CHRM3: variants seen among roughly 807,000 people sequenced by gnomAD.
The protein encoded by CHRM3 is cholinergic receptor muscarinic 3.
A neutral mutation model predicts 41.8 loss-of-function variants in CHRM3; 11 were observed. The observed-to-expected ratio is 0.26, with a 90% CI of 0.17 to 0.44. The LOEUF (loss-of-function observed/expected upper bound fraction) is 0.44, where lower values mean the gene tolerates loss of function less well. Ranked by LOEUF, CHRM3 falls within the 20% of genes least tolerant of loss-of-function variation. The pLI is 1.00. For synonymous variants in CHRM3, 297 were observed against 301.4 expected (o/e 0.99, Z 0.15); for missense variants, 571 against 745.4 (o/e 0.77, Z 2.72).
rs1234021548 is a variant in CHRM3 at position 239,439,787 on chromosome 1, G to C, written c.-521+52560G>C. On this transcript the variant is annotated intron_variant, in intron 1 of 6. Coordinates refer to ENST00000676153, the MANE Select transcript of CHRM3 (RefSeq NM_001375978.1). ...CTGGCCATGTCTGGAACACAGAGAG[G>C]GTAAGGTGGGGAGCAATAGGTTATC... Among the ~76,000 whole-genome samples the C allele has an allele frequency of 2.0e-5, 3 of 152,246 alleles. No homozygotes were observed. The East Asian group carries it at 5.8e-4, about 29-fold the overall frequency.
At chr1:239,685,302 T>C (rs1338570877) in intron 5 of CHRM3, among the ~76,000 whole-genome samples, 1 of 152,032 alleles carries the variant, frequency 6.6e-6, no homozygotes, top group East Asian at 1.9e-4. Flanking sequence ...TCCCGGGAGT[T>C]TTGTGAGGAA....
intron 3 of CHRM3, among the ~76,000 whole-genome samples, chr1:239,622,358 C>G (rs6692140): frequency 0.023 from 3,461 of 152,188 alleles, 140 homozygotes; most frequent in African/African-American, 0.079. Context: ...TTTCATAAAG[C>G]TATAGCTGCC....
chr1:239,470,514 G>T (rs2147936966), intron 1 of CHRM3, among the ~76,000 whole-genome samples: 2 of 152,268 alleles, frequency 1.3e-5, no homozygotes, highest in East Asian at 1.9e-4. Flanking sequence ...CCATCAAAGG[G>T]CCCAGGGAAG....
At chr1:239,702,360 T>A (rs1660762946) in intron 5 of CHRM3, among the ~76,000 whole-genome samples, 1 of 152,190 alleles carries the variant, frequency 6.6e-6, no homozygotes, top group Non-Finnish European at 1.5e-5. Context: ...GGGAGGATGC[T>A]GCTGTAAGTT....
At chr1:239,836,233 A>T (rs1673303823) in intron 6 of CHRM3, among the ~76,000 whole-genome samples, 1 of 152,346 alleles carries the variant, frequency 6.6e-6, no homozygotes, top group Admixed American at 6.5e-5. Context: ...CCTGTCTCCC[A>T]CAGCTACTTC....
chr1:239,481,362 AT>A (rs1202699325), intron 1 of CHRM3, among the ~76,000 whole-genome samples: 2 of 151,852 alleles, frequency 1.3e-5, no homozygotes, highest in South Asian at 2.1e-4. Flanking sequence ...CACTTTATTT[AT>A]TTTTTTTACT....
intron 6 of CHRM3, among the ~76,000 whole-genome samples, 195 bp downstream of exon 6, chr1:239,827,573 T>C (rs1672555089): frequency 6.6e-6 from 1 of 152,210 alleles, no homozygotes; most frequent in Non-Finnish European, 1.5e-5. Context: ...CACAGGCTTC[T>C]TGAAGATTAA....
chr1:239,420,267 A>T (rs997824924), intron 1 of CHRM3, among the ~76,000 whole-genome samples: 1 of 152,174 alleles, frequency 6.6e-6, no homozygotes, highest in Non-Finnish European at 1.5e-5. Context: ...CTTATTTACA[A>T]GGATTTCATG....
chr1:239,581,929 TATC>T (rs1662939480), intron 3 of CHRM3, among the ~76,000 whole-genome samples: 1 of 152,182 alleles, frequency 6.6e-6, no homozygotes, highest in Non-Finnish European at 1.5e-5. Context: ...TTATTTATGG[TATC>T]ATTATTTGTA....
At chr1:239,814,860 G>A (rs1267175523) in intron 5 of CHRM3, among the ~76,000 whole-genome samples, 6 of 152,146 alleles carry the variant, frequency 3.9e-5, no homozygotes, top group African/African-American at 1.4e-4. Flanking sequence ...TCGGCTCACG[G>A]CAACCTCTTG....
rs1392183271 is a variant in CHRM3, at chr1:239,748,731, C to T, written c.-147+70443C>T. Among the ~76,000 whole-genome samples the T allele has an allele frequency of 6.6e-6, 1 of 152,174 alleles. No individual in the cohort carries two copies. The highest frequency in any genetic ancestry group is 1.5e-5 in the Non-Finnish European group (1 of 68,038). ...ATTCACTTGATAAACATAGTTAACC[C>T]TTAAATACCAACTTCATTTAACAAG... On this transcript the variant is annotated intron_variant, in intron 5 of 6. Transcript: ENST00000676153. This position sits in a 1 kb window ranked among gnomAD's most constrained non-coding sequence, Gnocchi z 4.3.
intron 6 of CHRM3, among the ~76,000 whole-genome samples, chr1:239,873,070 T>C (rs1676728223): frequency 6.6e-6 from 1 of 152,162 alleles, no homozygotes; most frequent in Non-Finnish European, 1.5e-5. Context: ...CCCAAGTCAT[T>C]TTGCAAATCA....
At chr1:239,426,064 G>A (rs1022649252) in intron 1 of CHRM3, among the ~76,000 whole-genome samples, 1 of 148,490 alleles carries the variant, frequency 6.7e-6, no homozygotes, top group African/African-American at 2.5e-5. Context: ...ATGTATACAC[G>A]TGCCATGTTG....
At chr1:239,497,050 T>A (rs1001968017) in intron 2 of CHRM3, among the ~76,000 whole-genome samples, 16 of 152,132 alleles carry the variant, frequency 1.1e-4, no homozygotes. Flanking sequence ...CAGAACTATG[T>A]TTCTGGAAAG....
At chr1:239,811,566 T>G (rs890028784) in intron 5 of CHRM3, among the ~76,000 whole-genome samples, 8 of 152,208 alleles carry the variant, frequency 5.3e-5, no homozygotes, top group Admixed American at 6.5e-5. Flanking sequence ...CTTTTGATAC[T>G]TTGCTTTTCC....
intron 6 of CHRM3, among the ~76,000 whole-genome samples, chr1:239,841,900 T>C (rs753738178): frequency 6.6e-6 from 1 of 152,344 alleles, no homozygotes; most frequent in East Asian, 1.9e-4. Flanking sequence ...AATTAAATTA[T>C]ATAATACAAC....
chr1:239,907,498 T>C lies in CHRM3; in HGVS notation c.47T>C (p.Ile16Thr). 5 of 1,614,154 alleles carry C rather than the reference T, an allele frequency of 3.1e-6. No individual in the cohort carries two copies. The highest frequency in any genetic ancestry group is 4.2e-6 in the Non-Finnish European group (5 of 1,180,038). ...ACAACCTCGCCTTTGTTTCCAAACA[T>C]CAGCTCCTCCTGGATACACAGCCCC... ...NSTTSPLFPN[I>T]SSSWIHSPSD... is the part of the protein sequence containing the mutation. Residue 16 changes from isoleucine to threonine, a missense_variant, in exon 7 of 7, where the codon ATC (isoleucine) becomes ACC (threonine). Physicochemically the swap from Ile to Thr is moderately conservative, Grantham distance 89 (BLOSUM62 -1). This residue lies in a region of CHRM3 where 92 missense variants were observed against 76.1 expected (regional missense o/e 1.21). Coordinates refer to ENST00000676153, the MANE Select transcript of CHRM3 (RefSeq NM_001375978.1). The surrounding 1 kb of genome is among the most constrained non-coding windows in gnomAD (Gnocchi z 5.4).
At chr1:239,480,543 ATTTTT>A (rs745979239) in intron 1 of CHRM3, among the ~76,000 whole-genome samples, 2 of 110,716 alleles carry the variant, frequency 1.8e-5, no homozygotes, top group Non-Finnish European at 1.7e-5. Flanking sequence ...CGATAGCCCA[ATTTTT>A]TTTTTTTTTT....
chr1:239,530,557 A>G (rs1670331163), intron 2 of CHRM3, among the ~76,000 whole-genome samples: 1 of 152,200 alleles, frequency 6.6e-6, no homozygotes, highest in African/African-American at 2.4e-5. Flanking sequence ...AGGTATACAA[A>G]CGTCAGTGGA....
Sources: allele counts gnomAD v4.1 joint callset (sites outside exome capture counted in the v4.1 genomes callset), GRCh38; gene constraint gnomAD v4.1.1; regional missense constraint gnomAD v4.1.1; non-coding constraint Gnocchi (gnomAD v3.1); transcripts MANE v1.5; gene names NCBI Gene and HGNC (gene_info 2026-07-23, HGNC 2026-07-21).